The following CEP72 variants were observed in gnomAD, a reference collection of about 807,000 sequenced individuals.
CEP72 encodes centrosomal protein 72, also known as centrosomal protein of 72 kDa.
In CEP72, 78 loss-of-function variants were observed where a neutral mutation model predicts 65.7. The observed-to-expected ratio is 1.19, with a 90% CI of 0.99 to 1.43. The LOEUF is 1.43. CEP72 is among the 40% of genes most tolerant of loss of function. CEP72 has a pLI of 0.00. For missense variants in CEP72, 914 were observed against 832.9 expected (o/e 1.10, Z -1.20); for synonymous variants, 358 against 351.7 (o/e 1.02, Z -0.20).
Position 620,182 on chromosome 5 carries a change from C to T in CEP72, c.324C>T (p.Phe108=). 5 of 1,614,184 alleles carry T rather than the reference C, an allele frequency of 3.1e-6. No homozygotes were observed. The highest frequency in any genetic ancestry group is 3.4e-6 in the Non-Finnish European group (4 of 1,180,030). The change falls in exon 3 of 12, where the codon TTC becomes TTT. Residue 108 remains phenylalanine, a synonymous_variant. Transcript: ENST00000264935. ...TAACCGAGCTCGTGGATGTGGACTT[C>T]CGGCTGAACCCCGTGGTGAAGGTTG... The part of the protein sequence containing the change: ...HALTELVDVD[F]RLNPVVKVEP...
At chr5:618,966 A>T in intron 1 of CEP72, 24 bp from the exon 2 acceptor site, 4 of 1,573,480 alleles carry the variant, frequency 2.5e-6, no homozygotes, top group Non-Finnish European at 3.5e-6. Flanking sequence ...AAAGATTAAA[A>T]TCTTACAATT....
At chr5:649,394 T>C (rs1409324877) in intron 11 of CEP72, among the ~76,000 whole-genome samples, 6 of 78,260 alleles carry the variant, frequency 7.7e-5, no homozygotes, top group East Asian at 9.5e-4. Flanking sequence ...GACTGTGAGG[T>C]GTGCCTGTGA....
intron 1 of CEP72, among the ~76,000 whole-genome samples, chr5:616,767 G>T (rs1736013681): frequency 6.6e-6 from 1 of 151,970 alleles, no homozygotes; most frequent in Admixed American, 6.6e-5. Flanking sequence ...CCCGGTGCTG[G>T]CTGCTGCGCA....
intron 3 of CEP72, among the ~76,000 whole-genome samples, chr5:621,376 G>A (rs1264300677): frequency 6.6e-6 from 1 of 152,218 alleles, no homozygotes; most frequent in African/African-American, 2.4e-5. Flanking sequence ...CACGGCTGTG[G>A]GGAGCATTCA....
chr5:619,243 C>T (rs1331798780), intron 2 of CEP72, 126 bp downstream of exon 2: 5 of 836,230 alleles, frequency 6.0e-6, no homozygotes, highest in African/African-American at 3.4e-5. Context: ...CTTTGTGTTG[C>T]GTATTTTTGT....
intron 9 of CEP72, chr5:641,350 G>A: frequency 8.1e-6 from 8 of 985,454 alleles, no homozygotes; most frequent in Non-Finnish European, 9.6e-6. Context: ...TGAGGGCAGA[G>A]CCACGTGAGG....
At chr5:628,086 T>C (rs1157924295) in intron 4 of CEP72, among the ~76,000 whole-genome samples, 1 of 152,212 alleles carries the variant, frequency 6.6e-6, no homozygotes, top group Non-Finnish European at 1.5e-5. Flanking sequence ...GAGAACAGAA[T>C]ATGCTTCATA....
chr5:666,221 C>T, intron 4 of CEP72: 1 of 1,411,406 alleles, frequency 7.1e-7, no homozygotes, highest in Non-Finnish European at 9.6e-7. Context: ...CATGGCCCAG[C>T]AGCCCACAGG....
chr5:615,252 C>T (rs756701422), intron 1 of CEP72, among the ~76,000 whole-genome samples: 2 of 151,002 alleles, frequency 1.3e-5, no homozygotes, highest in Non-Finnish European at 2.9e-5. Flanking sequence ...TCCTCTGCTT[C>T]AGCTTCCCGA....
intron 8 of CEP72, 66 bp downstream of exon 8, chr5:639,290 C>G: frequency 6.7e-7 from 1 of 1,495,180 alleles, no homozygotes; most frequent in South Asian, 1.3e-5. Context: ...GGGTCCTCTG[C>G]GTGTGGTGAC....
intron 11 of CEP72, among the ~76,000 whole-genome samples, chr5:649,111 G>A (rs1419292959): frequency 2.9e-5 from 4 of 136,442 alleles, no homozygotes; most frequent in African/African-American, 8.2e-5. Context: ...GGTGTGGACT[G>A]TGAGGTGTGA....
At position 635,267 on chromosome 5, in the gene CEP72, G is replaced by A. The variant is rs1321690895; in HGVS notation, c.692-105G>A. On this transcript the variant is annotated intron_variant, in intron 5 of 11. Coordinates refer to ENST00000264935, the MANE Select transcript of CEP72 (RefSeq NM_018140.4). ...CACCCAGCACGTGATTAACCCCTCGGTCTAACAGATACCATACACTATTCA... is the reference window on the plus strand; with the variant it reads ...CACCCAGCACGTGATTAACCCCTCGATCTAACAGATACCATACACTATTCA... 8 of 845,106 alleles carry A rather than the reference G, an allele frequency of 9.5e-6. No individual in the cohort carries two copies. The East Asian group carries it at 2.1e-4, about 23-fold the overall frequency. The allele number at this position is 845,106 out of a possible 1,614,324, so 52.4% of individuals were successfully genotyped here. A position where few individuals can be genotyped will look rare whatever the true frequency, so the allele number is the denominator to read the frequency against.
At chr5:655,745 G>C (rs371806508), downstream of CEP72, among the ~76,000 whole-genome samples, 34 of 152,284 alleles carry the variant, frequency 2.2e-4, no homozygotes, top group African/African-American at 8.2e-4. This position sits in a 1 kb window ranked among gnomAD's most constrained non-coding sequence, Gnocchi z 5.0. Flanking sequence ...TTTCCTGTTT[G>C]TAAAGTACCT....
intron 2 of CEP72, chr5:664,208 G>T (rs3749611): frequency 6.6e-6 from 1 of 152,666 alleles, no homozygotes; most frequent in Admixed American, 6.5e-5. Context: ...GAGGACGGGC[G>T]AACGGGAGGG....
intron 4 of CEP72, among the ~76,000 whole-genome samples, chr5:625,328 C>G (rs985697021): frequency 6.6e-6 from 1 of 152,176 alleles, no homozygotes; most frequent in African/African-American, 2.4e-5. Flanking sequence ...GGCTTTTAAT[C>G]AAATCATTTT....
chr5:616,855 C>T (rs1736028628), intron 1 of CEP72, among the ~76,000 whole-genome samples: 1 of 149,598 alleles, frequency 6.7e-6, no homozygotes, highest in African/African-American at 2.5e-5. Context: ...GGTTTGCTTG[C>T]AGGAGGGCTG....
At chr5:641,508 G>A (rs781309641) in intron 9 of CEP72, 11 of 984,620 alleles carry the variant, frequency 1.1e-5, no homozygotes, top group African/African-American at 1.1e-4. Flanking sequence ...CCCACACAAC[G>A]CTTCCTCTTT....
At chr5:617,641 G>A (rs1281472901) in intron 1 of CEP72, among the ~76,000 whole-genome samples, 1 of 152,252 alleles carries the variant, frequency 6.6e-6, no homozygotes, top group African/African-American at 2.4e-5. Context: ...GGCAAAACCA[G>A]GCAGCATCCT....
intron 3 of CEP72, among the ~76,000 whole-genome samples, chr5:621,224 T>C (rs2126739830): frequency 6.6e-6 from 1 of 152,326 alleles, no homozygotes; most frequent in East Asian, 1.9e-4. Flanking sequence ...GTTCGAAAGC[T>C]GCCCCTCCTT....
Sources: allele counts gnomAD v4.1 joint callset (sites outside exome capture counted in the v4.1 genomes callset), GRCh38; gene constraint gnomAD v4.1.1; non-coding constraint Gnocchi (gnomAD v3.1); transcripts MANE v1.5; gene names NCBI Gene and HGNC (gene_info 2026-07-23, HGNC 2026-07-21).